Variants in STARD13 observed in about 807,000 individuals in gnomAD.
STARD13 encodes the protein stAR-related lipid transfer protein 13.
In STARD13, 62 loss-of-function variants were observed where a neutral mutation model predicts 106.4. That is an observed-to-expected ratio of 0.58 (90% confidence interval 0.48 to 0.72). The LOEUF is 0.72. Ranked by LOEUF, STARD13 falls within the 30% of genes least tolerant of loss-of-function variation. The pLI is 0.00. For missense variants in STARD13, 1,387 were observed against 1,424.0 expected (o/e 0.97, Z 0.42); for synonymous variants, 565 against 553.0 (o/e 1.02, Z -0.31).
chr13:33,205,378 G>A (rs772490254), intron 1 of STARD13, among the ~76,000 whole-genome samples: 2 of 152,156 alleles, frequency 1.3e-5, no homozygotes, highest in Non-Finnish European at 1.5e-5. Context: ...TTTAAGTAAC[G>A]TAGCCCATGG....
At chr13:33,385,961 C>T in the STARD13 span, among the ~76,000 whole-genome samples, 1 of 151,506 alleles carries the variant, frequency 6.6e-6, no homozygotes, top group Non-Finnish European at 1.5e-5. Context: ...AGTAATAATA[C>T]TAAATTTGCA....
chr13:33,514,378 C>G, the STARD13 span, among the ~76,000 whole-genome samples: 1 of 152,044 alleles, frequency 6.6e-6, no homozygotes, highest in Non-Finnish European at 1.5e-5. Context: ...AGGGAAATAA[C>G]TCATCGAAAG....
intron 1 of STARD13, among the ~76,000 whole-genome samples, chr13:33,274,891 C>T (rs1037225916): frequency 3.9e-5 from 6 of 152,182 alleles, no homozygotes; most frequent in African/African-American, 1.2e-4. Flanking sequence ...CGCTTACCCC[C>T]ACCAAGAACC....
the STARD13 span, among the ~76,000 whole-genome samples, chr13:33,402,685 A>G: frequency 6.6e-6 from 1 of 152,244 alleles, no homozygotes; most frequent in Admixed American, 6.5e-5. Flanking sequence ...AGAGGAGCAG[A>G]TAAGGAGATG....
the STARD13 span, among the ~76,000 whole-genome samples, chr13:33,371,938 T>G: frequency 6.6e-6 from 1 of 152,212 alleles, no homozygotes; most frequent in Non-Finnish European, 1.5e-5. Context: ...AAGAATTGAT[T>G]GCATCTCAGA....
At chr13:33,180,403 G>A (rs1369689551) in intron 1 of STARD13, 2 of 152,198 alleles carry the variant, frequency 1.3e-5, no homozygotes, top group African/African-American at 4.8e-5. Flanking sequence ...GCAAAGATGT[G>A]TTAAAACATA....
At chr13:33,250,884 T>A (rs1890064099) in intron 1 of STARD13, among the ~76,000 whole-genome samples, 1 of 152,190 alleles carries the variant, frequency 6.6e-6, no homozygotes, top group African/African-American at 2.4e-5. Flanking sequence ...AAGACTTAAG[T>A]CTGTCTTGTT....
chr13:33,295,061 C>T (rs781342345), intron 1 of STARD13, among the ~76,000 whole-genome samples: 1 of 151,992 alleles, frequency 6.6e-6, no homozygotes, highest in Non-Finnish European at 1.5e-5. Context: ...GTATGGCCCA[C>T]GACTGTGGAG....
chr13:33,456,207 T>G, the STARD13 span, among the ~76,000 whole-genome samples: 1 of 152,154 alleles, frequency 6.6e-6, no homozygotes, highest in South Asian at 2.1e-4. Flanking sequence ...TTTCTTTCTT[T>G]GAGATGGAGT....
At chr13:33,185,832 A>G in intron 1 of STARD13, 2 of 1,600,382 alleles carry the variant, frequency 1.2e-6, no homozygotes, top group Non-Finnish European at 1.7e-6. Flanking sequence ...CAAGTTCACA[A>G]AGGTCTATCC....
At chr13:33,462,364 G>T in the STARD13 span, among the ~76,000 whole-genome samples, 24 of 152,234 alleles carry the variant, frequency 1.6e-4, no homozygotes, top group Admixed American at 9.8e-4. Context: ...CACATTATTA[G>T]TCTGCATGCT....
chr13:33,443,814 A>G, the STARD13 span, among the ~76,000 whole-genome samples: 5 of 143,574 alleles, frequency 3.5e-5, no homozygotes, highest in Non-Finnish European at 7.6e-5. Context: ...GACCCAGGAG[A>G]TGGAGGCTGC....
chr13:33,118,291 G>C (rs1875713361), intron 7 of STARD13, 28 bp from the exon 8 acceptor site: 2 of 1,596,936 alleles, frequency 1.3e-6, no homozygotes, highest in Non-Finnish European at 1.7e-6. Flanking sequence ...GGATGTGTCA[G>C]CCAGGCCACA....
intron 3 of STARD13, among the ~76,000 whole-genome samples, chr13:33,163,590 A>C (rs1882896846): frequency 5.9e-5 from 2 of 33,656 alleles, no homozygotes; most frequent in African/African-American, 3.7e-4. Context: ...ACTCTGTCTC[A>C]AAAAAAAAAA....
chr13:33,190,246 C>T (rs1000596712), intron 1 of STARD13, among the ~76,000 whole-genome samples: 4 of 152,026 alleles, frequency 2.6e-5, no homozygotes, highest in East Asian at 1.9e-4. Flanking sequence ...AGTTCAAGAA[C>T]ACAATGAAAC....
chr13:33,177,955 A>G (rs1245544489), intron 1 of STARD13, among the ~76,000 whole-genome samples: 15 of 7,486 alleles, frequency 2.0e-3, no homozygotes, highest in South Asian at 0.013. Context: ...AAGGAAGGAA[A>G]GGAAGGAAGG....
the STARD13 span, among the ~76,000 whole-genome samples, chr13:33,591,317 T>C: frequency 6.6e-6 from 1 of 152,244 alleles, no homozygotes. Flanking sequence ...TTATTTATCA[T>C]GTAAAAAAAG....
rs761990696 is a variant in STARD13 at position 33,126,065 on chromosome 13, G to A, written c.2082+16C>T. 1.9e-6 allele frequency: 3 copies of A among 1,612,052 alleles called. No individual in the cohort carries two copies. The highest frequency in any genetic ancestry group is 2.2e-5 in the South Asian group (2 of 91,016). Reference sequence around the variant, plus strand: ...TTGGGGGTGGTGGGGCAGCAGCGGGGGGGTTACAGCCCTACCTGATCGAGG... The same window carrying A: ...TTGGGGGTGGTGGGGCAGCAGCGGGAGGGTTACAGCCCTACCTGATCGAGG... On this transcript the variant is annotated intron_variant, in intron 7 of 13. Coordinates refer to ENST00000336934, the MANE Select transcript of STARD13 (RefSeq NM_178006.4).
chr13:33,211,831 G>GTGTA (rs373423953), intron 1 of STARD13, among the ~76,000 whole-genome samples: 4,317 of 93,588 alleles, frequency 0.046, 189 homozygotes, highest in African/African-American at 0.12. Context: ...GTGTGTATGT[G>GTGTA]TGTGTGTGTG....
Sources: gnomAD v4.1 joint callset for allele counts (sites outside exome capture counted in the v4.1 genomes callset) on GRCh38, gnomAD v4.1.1 for gene constraint, MANE v1.5 for transcripts, NCBI Gene and HGNC (gene_info 2026-07-23, HGNC 2026-07-21) for gene names.